CLEC19A: variants seen among roughly 807,000 people sequenced by gnomAD.
CLEC19A encodes C-type lectin domain containing 19A, also known as C-type lectin domain family 19 member A.
Under a neutral mutation model 26.1 loss-of-function variants are expected in CLEC19A, and 21 were observed. That is an observed-to-expected ratio of 0.80 (90% confidence interval 0.57 to 1.16). The LOEUF is 1.16. CLEC19A is among the 50% of genes most tolerant of loss of function. The pLI is 0.00. For missense variants in CLEC19A, 224 were observed against 227.6 expected, an observed-to-expected ratio of 0.98 and a Z score of 0.10; for synonymous variants, 89 against 88.6, an observed-to-expected ratio of 1.00 and a Z score of -0.03.
intron 4 of CLEC19A, among the ~76,000 whole-genome samples, chr16:19,308,480 A>T (rs190141401): frequency 2.6e-5 from 4 of 152,240 alleles, no homozygotes; most frequent in African/African-American, 9.6e-5. Flanking sequence ...CAGTATTAGC[A>T]ATCACCAGCA....
chr16:19,307,456 C>T, intron 3 of CLEC19A, 89 bp from the exon 4 acceptor site: 1 of 1,461,256 alleles, frequency 6.8e-7, no homozygotes, highest in Non-Finnish European at 9.2e-7. Flanking sequence ...AATTAAGTTG[C>T]TAAGACGTCT....
At chr16:19,295,749 G>T (rs190925717) in intron 1 of CLEC19A, among the ~76,000 whole-genome samples, 25 of 152,310 alleles carry the variant, frequency 1.6e-4, no homozygotes, top group Non-Finnish European at 7.4e-5. Flanking sequence ...TTTGCTGGTA[G>T]AAATGATTTG....
rs1286015215 is a variant in CLEC19A at position 19,298,734 on chromosome 16, C to T, written c.150C>T (p.His50=). 1 of 1,551,094 alleles carries T rather than the reference C, an allele frequency of 6.4e-7. No individual in the cohort carries two copies. Among genetic ancestry groups the T allele is most frequent in the Admixed American group, 2.0e-5 (1 of 50,992 alleles). The change falls in exon 2 of 5, where the codon CAC becomes CAT. Residue 50 remains histidine, a synonymous_variant. Coordinates refer to ENST00000636231, the MANE Select transcript of CLEC19A (RefSeq NM_001256720.2). ...TGTTCTGGATGGAGTTCAAAGGCCA[C>T]TGCTATCGATTCTTCCCTCTCAATA... ...CPLFWMEFKG[H]CYRFFPLNKT...
At chr16:19,290,417 T>G (rs898950404) in intron 1 of CLEC19A, among the ~76,000 whole-genome samples, 1 of 151,880 alleles carries the variant, frequency 6.6e-6, no homozygotes, top group African/African-American at 2.4e-5. Flanking sequence ...CTAAACCATT[T>G]CTAATTCTCC....
At chr16:19,297,279 C>A (rs1897724227) in intron 1 of CLEC19A, among the ~76,000 whole-genome samples, 1 of 152,192 alleles carries the variant, frequency 6.6e-6, no homozygotes, top group Non-Finnish European at 1.5e-5. Context: ...GGAAAATGTG[C>A]AGTCTTGCCA....
At chr16:19,307,131 G>A (rs990918431) in intron 3 of CLEC19A, among the ~76,000 whole-genome samples, 3 of 152,196 alleles carry the variant, frequency 2.0e-5, no homozygotes, top group African/African-American at 4.8e-5. Context: ...CCATCCACTG[G>A]CAAAGTGTAG....
chr16:19,294,758 T>A (rs1597081765), intron 1 of CLEC19A, among the ~76,000 whole-genome samples: 2 of 152,340 alleles, frequency 1.3e-5, no homozygotes, highest in South Asian at 4.1e-4. Context: ...ATTAGAGAAA[T>A]AGCCCACACT....
At chr16:19,304,241 G>T in intron 3 of CLEC19A, 86 bp downstream of exon 3, 1 of 1,122,076 alleles carries the variant, frequency 8.9e-7, no homozygotes, top group Non-Finnish European at 1.3e-6. Context: ...ATCAGTGCCA[G>T]GTCACGGCTA....
chr16:19,308,603 C>T lies in CLEC19A; in HGVS notation c.482-401C>T, dbSNP rs1898004328. Among the ~76,000 whole-genome samples the T allele has an allele frequency of 1.3e-5, 2 of 152,236 alleles. 1 individual carries two copies. The highest frequency in any genetic ancestry group is 4.8e-5 in the African/African-American group (2 of 41,464). On this transcript the variant is annotated intron_variant, in intron 4 of 4. Transcript: ENST00000636231. ...GTTCAGCAACTTGTTCAAGGTCACACAGCAAGCTAAGTAGTGGAGCTGGGT... is the reference window on the plus strand; with the variant it reads ...GTTCAGCAACTTGTTCAAGGTCACATAGCAAGCTAAGTAGTGGAGCTGGGT...
intron 2 of CLEC19A, among the ~76,000 whole-genome samples, chr16:19,303,615 T>A (rs1897880991): frequency 2.0e-5 from 3 of 152,038 alleles, no homozygotes; most frequent in African/African-American, 4.8e-5. Flanking sequence ...ATTTTGGAGA[T>A]GGTATGTGAA....
intron 1 of CLEC19A, among the ~76,000 whole-genome samples, chr16:19,293,032 A>T (rs1897622867): frequency 1.3e-5 from 2 of 152,258 alleles, no homozygotes; most frequent in Admixed American, 1.3e-4. Flanking sequence ...AAGGTCAAAA[A>T]GAATGCAGAA....
chr16:19,298,301 A>G (rs179214), intron 1 of CLEC19A, among the ~76,000 whole-genome samples: 23,328 of 151,132 alleles, frequency 0.15, 2,688 homozygotes, highest in East Asian at 0.38. Flanking sequence ...CTGCAATCCC[A>G]GCACTTTGGG....
intron 1 of CLEC19A, among the ~76,000 whole-genome samples, chr16:19,290,412 C>T (rs1897559063): frequency 6.6e-6 from 1 of 151,676 alleles, no homozygotes; most frequent in Non-Finnish European, 1.5e-5. Flanking sequence ...CCATGCTAAA[C>T]CATTTCTAAT....
chr16:19,304,699 T>C (rs1231923676), intron 3 of CLEC19A, among the ~76,000 whole-genome samples: 3 of 141,676 alleles, frequency 2.1e-5, no homozygotes. Context: ...AGACTCCAAC[T>C]TGAAAAAAAA....
chr16:19,300,676 T>C (rs1004808790), intron 2 of CLEC19A, among the ~76,000 whole-genome samples: 3 of 152,224 alleles, frequency 2.0e-5, no homozygotes, highest in Non-Finnish European at 4.4e-5. Context: ...GAGGGATATA[T>C]TGAGACAGTC....
At chr16:19,299,978 C>T (rs1038610731) in intron 2 of CLEC19A, among the ~76,000 whole-genome samples, 23 of 152,146 alleles carry the variant, frequency 1.5e-4, no homozygotes, top group Admixed American at 9.2e-4. Context: ...AATCCCAACA[C>T]TTTGGGAGGC....
chr16:19,298,190 C>T (rs1047474208), intron 1 of CLEC19A, among the ~76,000 whole-genome samples: 2 of 147,458 alleles, frequency 1.4e-5, no homozygotes, highest in Admixed American at 1.4e-4. Flanking sequence ...TGCGGTGAGC[C>T]GAGATGGCAC....
At chr16:19,307,723 T>C in intron 4 of CLEC19A, 46 bp downstream of exon 4, 1 of 1,543,896 alleles carries the variant, frequency 6.5e-7, no homozygotes, top group Non-Finnish European at 8.7e-7. Flanking sequence ...GCCCAGGAGG[T>C]GTCACAGGTG....
intron 1 of CLEC19A, 129 bp from the exon 2 acceptor site, chr16:19,298,544 C>A: frequency 1.0e-6 from 1 of 957,606 alleles, no homozygotes; most frequent in African/African-American, 1.7e-5. Context: ...TCAGCCTGGG[C>A]AACAGAACGA....
Sources: gnomAD v4.1 joint callset for allele counts (sites outside exome capture counted in the v4.1 genomes callset) on GRCh38, gnomAD v4.1.1 for gene constraint, MANE v1.5 for transcripts, NCBI Gene and HGNC (gene_info 2026-07-23, HGNC 2026-07-21) for gene names.